HSPG2: variants seen among roughly 807,000 people sequenced by gnomAD.
HSPG2 encodes the protein heparan sulfate proteoglycan 2.
A neutral mutation model predicts 526.6 loss-of-function variants in HSPG2; 278 were observed. The observed-to-expected ratio is 0.53, with a 90% confidence interval of 0.48 to 0.58. The LOEUF (loss-of-function observed/expected upper bound fraction) is 0.58, where lower values mean the gene tolerates loss of function less well. HSPG2 is among the 20% of genes least tolerant of loss of function. The probability of loss-of-function intolerance (pLI) is 0.00; values close to 1 mark genes in which losing one functional copy is unlikely to be tolerated. For synonymous variants in HSPG2, 2,465 were observed against 2,555.4 expected (o/e 0.96, Z 1.07); for missense variants, 5,354 against 6,099.5 (o/e 0.88, Z 4.07).
intron 21 of HSPG2, among the ~76,000 whole-genome samples, chr1:21,877,777 C>T (rs58535976): frequency 0.028 from 4,255 of 152,246 alleles, 219 homozygotes; most frequent in African/African-American, 0.097. Flanking sequence ...GGATTACAGG[C>T]GTGAGCCACT....
In HSPG2 at chr1:21,898,966, C is replaced by T. The variant is rs1642936915; in HGVS notation, c.64-2656G>A. The stretch of plus-strand genomic sequence containing the variant: ...CGGCGGGGGTGGCCTTGGGACCAGA[C>T]AGGAAATAGCAAAGTGAGATTCAAC... On this transcript the variant is annotated intron_variant, in intron 1 of 96. Coordinates refer to ENST00000374695, the MANE Select transcript of HSPG2 (RefSeq NM_005529.7). The surrounding 1 kb of genome is among the most constrained non-coding windows in gnomAD (Gnocchi z 4.0). 6.6e-6 allele frequency among the ~76,000 whole-genome samples: 1 copy of T among 152,132 alleles called. No individual in the cohort carries two copies. Among genetic ancestry groups the T allele is most frequent in the African/African-American group, 2.4e-5 (1 of 41,412 alleles).
intron 1 of HSPG2, chr1:21,908,617 T>TAAA: frequency 7.9e-6 from 4 of 508,404 alleles, no homozygotes; most frequent in East Asian, 3.6e-5. Context: ...TCTGGGCTGT[T>TAAA]AAAAAAAAAA....
rs768762913 is a variant in HSPG2 at position 21,839,986 on chromosome 1, G to A, written c.9545C>T (p.Thr3182Ile). The part of the protein sequence containing the change: ...ISSAKPSDAG[T>I]YVCLAQNALG... ...TGCATTCTGAGCAAGGCACACATAAGTGCCCGCATCTGATGGTTTAGCTGA... is the reference window on the plus strand; with the variant it reads ...TGCATTCTGAGCAAGGCACACATAAATGCCCGCATCTGATGGTTTAGCTGA... Residue 3182 changes from threonine to isoleucine, a missense_variant, in exon 72 of 97, where the codon ACT becomes ATT. Transcript: ENST00000374695. This position sits in a 1 kb window ranked among gnomAD's most constrained non-coding sequence, Gnocchi z 4.5. 5.6e-6 allele frequency: 9 copies of A among 1,614,110 alleles called. No homozygotes were observed. The highest frequency in any genetic ancestry group is 1.7e-5 in the Admixed American group (1 of 59,996).
chr1:21,830,735 G>T, intron 85 of HSPG2: 1 of 519,158 alleles, frequency 1.9e-6, no homozygotes, highest in Non-Finnish European at 3.4e-6. Flanking sequence ...GTGGGGGAGT[G>T]CCTGGGTGGC....
At position 21,824,611 on chromosome 1, in the gene HSPG2, G is replaced by A. The variant is rs2097963986; in HGVS notation, c.12670C>T (p.Pro4224Ser). Residue 4224 changes from proline (P) to serine (S), a missense_variant, in exon 93 of 97, where the codon CCC (proline) becomes TCC (serine). By Grantham distance (74) the Pro-to-Ser change is moderately conservative (BLOSUM62 -1). Transcript: ENST00000374695. This position sits in a 1 kb window ranked among gnomAD's most constrained non-coding sequence, Gnocchi z 5.9. The stretch of plus-strand genomic sequence containing the variant: ...AGCTCGATGGTCTCGGGCACCTCGG[G>A]CAGGCTGCGGAGGAAGAGCGGGTGA... ...FPGHVFSRSL[P>S]EVPETIELEV... 1.2e-6 allele frequency: 2 copies of A among 1,613,964 alleles called. No individual in the cohort carries two copies. Among genetic ancestry groups the A allele is most frequent in the African/African-American group, 2.7e-5 (2 of 74,958 alleles).
At chr1:21,830,876 G>C (rs1020883564) in intron 85 of HSPG2, 106 bp downstream of exon 85, 464 of 728,874 alleles carry the variant, frequency 6.4e-4, no homozygotes, top group Non-Finnish European at 9.8e-4. Flanking sequence ...GTGAGAGTGG[G>C]GGGTGTGGAA....
chr1:21,824,516 C>G lies in HSPG2; in HGVS notation c.12744+21G>C. ...TCCTGCCCCAGGAGCCCCAAGAGCC[C>G]AGCCGGATACCCACACTCACCACAC... On this transcript the variant is annotated intron_variant, in intron 93 of 96. Coordinates refer to ENST00000374695, the MANE Select transcript of HSPG2 (RefSeq NM_005529.7). This position sits in a 1 kb window ranked among gnomAD's most constrained non-coding sequence, Gnocchi z 5.9. 1 of 1,612,522 alleles carries G rather than the reference C, an allele frequency of 6.2e-7. No homozygotes were observed. Among genetic ancestry groups the G allele is most frequent in the Non-Finnish European group, 8.5e-7 (1 of 1,179,758 alleles).
Position 21,865,851 on chromosome 1 carries a change from G to C in HSPG2, c.4222-42C>G. The C allele has an allele frequency of 1.3e-6, 2 of 1,500,778 alleles. No homozygotes were observed. Among genetic ancestry groups the C allele is most frequent in the Non-Finnish European group, 1.9e-6 (2 of 1,078,124 alleles). 93.0% of individuals were successfully genotyped at this position (1,500,778 alleles called of 1,614,324 possible). ...CCAGAGGTCACAGGCTGACCTTGGG[G>C]TGTGAGTGTTGGACCATATAGGTGA... On this transcript the variant is annotated intron_variant, in intron 33 of 96. Coordinates refer to ENST00000374695, the MANE Select transcript of HSPG2 (RefSeq NM_005529.7). The surrounding 1 kb of genome is among the most constrained non-coding windows in gnomAD (Gnocchi z 5.4).
chr1:21,850,555 C>A, intron 55 of HSPG2, 57 bp from the exon 56 acceptor site: 1 of 1,501,482 alleles, frequency 6.7e-7, no homozygotes, highest in Non-Finnish European at 8.9e-7. Flanking sequence ...GTTCCTATAA[C>A]CTGCAACCCT....
chr1:21,834,052 T>C (rs1446023867), intron 77 of HSPG2, 127 bp from the exon 78 acceptor site: 1 of 752,314 alleles, frequency 1.3e-6, no homozygotes, highest in African/African-American at 1.7e-5. Flanking sequence ...ATTTCACAGA[T>C]GAGGAAATTA....
At position 21,855,675 on chromosome 1, in the gene HSPG2, C is replaced by G. The variant is rs754630224; in HGVS notation, c.5702G>C (p.Gly1901Ala). The change falls in exon 46 of 97, where the codon GGG becomes GCG. Residue 1901 changes from glycine to alanine, a missense_variant and splice_region_variant. Physicochemically the swap from Gly to Ala is moderately conservative, Grantham distance 60. Coordinates refer to ENST00000374695, the MANE Select transcript of HSPG2 (RefSeq NM_005529.7). ...CGCAGGGAGCTGGCCGCCGGGGCCC[C>G]CTGACGAGTAGACGTGGGGTCAGCA... Reference protein sequence around the residue: ...GSPTPTLEWTGGPGGQLPAKA... With the variant: ...GSPTPTLEWTAGPGGQLPAKA... 6.3e-7 allele frequency: 1 copy of G among 1,578,018 alleles called. No homozygotes were observed.
chr1:21,837,078 G>GA, intron 74 of HSPG2, 72 bp from the exon 75 acceptor site: 1 of 1,368,494 alleles, frequency 7.3e-7, no homozygotes, highest in African/African-American at 1.4e-5. Flanking sequence ...CAGGGACCCA[G>GA]GAAACCCCCA....
At chr1:21,935,960 C>A (rs1329172551) in intron 1 of HSPG2, among the ~76,000 whole-genome samples, 2 of 151,988 alleles carry the variant, frequency 1.3e-5, no homozygotes, top group East Asian at 3.9e-4. Flanking sequence ...TGGGTGGGGG[C>A]TTGACGAGTG....
intron 64 of HSPG2, among the ~76,000 whole-genome samples, chr1:21,845,426 T>C (rs972114955): frequency 1.3e-5 from 2 of 152,138 alleles, no homozygotes; most frequent in African/African-American, 4.8e-5. Flanking sequence ...TTGCCCAGGC[T>C]GGAGTGCAGT....
Position 21,888,073 on chromosome 1 carries a change from G to A in HSPG2, c.575-7C>T, listed in dbSNP as rs748507432. On this transcript the variant is annotated splice_polypyrimidine_tract_variant and splice_region_variant and intron_variant, in intron 6 of 96. Transcript: ENST00000374695. Reference sequence around the variant, plus strand: ...GCTCTTGGGAACTGGGGCACTGCAGGTGGAAAGGAAGCAGACTGGAGTCAG... The same window carrying A: ...GCTCTTGGGAACTGGGGCACTGCAGATGGAAAGGAAGCAGACTGGAGTCAG... The A allele has an allele frequency of 6.2e-7, 1 of 1,614,026 alleles. No individual in the cohort carries two copies. The highest frequency in any genetic ancestry group is 8.5e-7 in the Non-Finnish European group (1 of 1,180,044).
chr1:21,872,768 G>T lies in HSPG2; in HGVS notation c.3889-8C>A. The T allele has an allele frequency of 6.2e-7, 1 of 1,607,524 alleles. No individual in the cohort carries two copies. The highest frequency in any genetic ancestry group is 2.2e-5 in the East Asian group (1 of 44,584). ...GAGGCCTTCCACCTGGGCCTGGGTA[G>T]ACGGATGGAAGGAGGCAGGCAGGGG... On this transcript the variant is annotated splice_polypyrimidine_tract_variant and splice_region_variant and intron_variant, in intron 31 of 96. Transcript: ENST00000374695. The surrounding 1 kb of genome is among the most constrained non-coding windows in gnomAD (Gnocchi z 5.5).
chr1:21,878,110 G>A lies in HSPG2; in HGVS notation c.2685+76C>T, dbSNP rs544573901. 8.6e-5 allele frequency: 117 copies of A among 1,355,816 alleles called. 1 individual carries two copies. In the African/African-American group the frequency reaches 1.2e-3, roughly 13 times the overall value. The allele number at this position is 1,355,816 out of a possible 1,614,324, so 84.0% of individuals were successfully genotyped here. On this transcript the variant is annotated intron_variant, in intron 21 of 96. Coordinates refer to ENST00000374695, the MANE Select transcript of HSPG2 (RefSeq NM_005529.7). ...CTGGCCAAGGATCTATGGAGAGGAC[G>A]GAGCTTCCTTCTTCCTCCTCCCAGC...
chr1:21,869,505 G>A (rs1640486247), intron 33 of HSPG2: 9 of 917,650 alleles, frequency 9.8e-6, no homozygotes, highest in South Asian at 5.0e-5. Context: ...CTGAGGAAGA[G>A]GAGGAGGAGG....
At chr1:21,897,848 G>T (rs1642861219) in intron 1 of HSPG2, among the ~76,000 whole-genome samples, 1 of 152,120 alleles carries the variant, frequency 6.6e-6, no homozygotes, top group South Asian at 2.1e-4. Context: ...CCTGAAAATG[G>T]GTATATTTTG....
Sources: gnomAD v4.1 joint callset for allele counts (sites outside exome capture counted in the v4.1 genomes callset) on GRCh38, gnomAD v4.1.1 for gene constraint, Gnocchi (gnomAD v3.1) non-coding constraint, MANE v1.5 for transcripts, NCBI Gene and HGNC (gene_info 2026-07-23, HGNC 2026-07-21) for gene names.